The following MID1 variants were observed in gnomAD, a reference collection of about 807,000 sequenced individuals.
MID1 encodes E3 ubiquitin-protein ligase Midline-1.
Under a neutral mutation model 40.4 loss-of-function variants are expected in MID1, and 7 were observed. The observed-to-expected ratio is 0.17, with a 90% CI of 0.10 to 0.33. The LOEUF (loss-of-function observed/expected upper bound fraction) is 0.33, where lower values mean the gene tolerates loss of function less well. Among genes scored for constraint, MID1 ranks in the 10% least tolerant of loss-of-function variants. The probability of loss-of-function intolerance (pLI) is 1.00; values close to 1 mark genes in which losing one functional copy is unlikely to be tolerated. For synonymous variants in MID1, 229 were observed against 221.2 expected, an observed-to-expected ratio of 1.04 and a Z score of -0.31; for missense variants, 367 against 558.5, an observed-to-expected ratio of 0.66 and a Z score of 3.46.
chrX:10,779,008 G>A (rs1231692318), intron 1 of MID1, among the ~76,000 whole-genome samples: 1 of 112,772 alleles, frequency 8.9e-6, no homozygotes, highest in Admixed American at 9.3e-5. Flanking sequence ...TTCAGAGTGT[G>A]CAGCACATAG....
chrX:10,792,125 T>A (rs753611045), intron 1 of MID1, among the ~76,000 whole-genome samples: 4 of 111,860 alleles, frequency 3.6e-5, no homozygotes, highest in Non-Finnish European at 7.5e-5. Context: ...AGCCGTATGA[T>A]CTCTGTTGCA....
At chrX:10,705,103 A>G (rs1327498331) in intron 1 of MID1, among the ~76,000 whole-genome samples, 1 of 111,909 alleles carries the variant, frequency 8.9e-6, no homozygotes, top group Non-Finnish European at 1.9e-5. Context: ...ACATAAAGAA[A>G]AAAGAAGATA....
intron 2 of MID1, among the ~76,000 whole-genome samples, chrX:10,552,277 G>A (rs969728872): frequency 7.2e-5 from 8 of 110,871 alleles, no homozygotes; most frequent in African/African-American, 2.6e-4. Context: ...ATAATCAAGA[G>A]TTGGTAGAGG....
intron 1 of MID1, among the ~76,000 whole-genome samples, chrX:10,794,009 C>T (rs1388452949): frequency 8.9e-6 from 1 of 111,794 alleles, no homozygotes; most frequent in Non-Finnish European, 1.9e-5. Context: ...TGCCACTTCT[C>T]TGTCCACTAG....
At chrX:10,803,712 T>C (rs192747621) in intron 1 of MID1, among the ~76,000 whole-genome samples, 1 of 111,992 alleles carries the variant, frequency 8.9e-6, no homozygotes, top group African/African-American at 3.2e-5. Context: ...TTGAATATGA[T>C]ATGGCTAGGT....
At chrX:10,830,737 T>C (rs1286798126) in intron 1 of MID1, among the ~76,000 whole-genome samples, 4 of 112,521 alleles carry the variant, frequency 3.6e-5, no homozygotes, top group Non-Finnish European at 7.5e-5. Flanking sequence ...AATAACCAAA[T>C]GTTAGAAAGG....
intron 1 of MID1, among the ~76,000 whole-genome samples, chrX:10,702,748 T>C (rs1378850065): frequency 8.9e-6 from 1 of 112,572 alleles, no homozygotes; most frequent in African/African-American, 3.2e-5. Flanking sequence ...AATGTTTGTG[T>C]CTTCCCCAAA....
intron 1 of MID1, among the ~76,000 whole-genome samples, chrX:10,763,924 G>T (rs2043700935): frequency 8.9e-6 from 1 of 112,203 alleles, no homozygotes; most frequent in African/African-American, 3.3e-5. Flanking sequence ...CAGTGATGAT[G>T]AGCATTTTTT....
At chrX:10,780,550 T>C in intron 1 of MID1, among the ~76,000 whole-genome samples, 1 of 111,931 alleles carries the variant, frequency 8.9e-6, no homozygotes. Context: ...ATCTTTTAAA[T>C]TGTTTTGGGA....
At chrX:10,548,630 G>C (rs1179509195) in intron 2 of MID1, among the ~76,000 whole-genome samples, 3 of 111,943 alleles carry the variant, frequency 2.7e-5, no homozygotes, top group African/African-American at 9.7e-5. Context: ...AAAATGACCA[G>C]ATCCAGTGGC....
intron 1 of MID1, among the ~76,000 whole-genome samples, chrX:10,802,279 G>T (rs1400860813): frequency 8.9e-6 from 1 of 111,991 alleles, no homozygotes; most frequent in Non-Finnish European, 1.9e-5. Flanking sequence ...CACAAACTAT[G>T]CATCTGACAA....
intron 1 of MID1, among the ~76,000 whole-genome samples, chrX:10,674,333 C>G (rs940691239): frequency 8.9e-6 from 1 of 112,198 alleles, no homozygotes; most frequent in African/African-American, 3.2e-5. Context: ...AAACCACATT[C>G]GCAACTGAAC....
chrX:10,475,017 C>A (rs1210417075), intron 5 of MID1: 2 of 403,271 alleles, frequency 5.0e-6, no homozygotes, highest in Non-Finnish European at 4.6e-6. Flanking sequence ...CCTGCGAAAG[C>A]AAAAGAATAT....
chrX:10,506,419 G>T, intron 3 of MID1: 1 of 879,230 alleles, frequency 1.1e-6, no homozygotes, highest in Non-Finnish European at 1.6e-6. Flanking sequence ...GACTTACCAA[G>T]ACCACCTTGG....
intron 1 of MID1, among the ~76,000 whole-genome samples, chrX:10,615,662 C>G (rs929231558): frequency 7.1e-5 from 8 of 112,020 alleles, no homozygotes; most frequent in African/African-American, 2.6e-4. Flanking sequence ...CATTAACCAT[C>G]CTGATCTTGT....
chrX:10,533,393 A>AG (rs1397416307), intron 2 of MID1, among the ~76,000 whole-genome samples: 8 of 40,523 alleles, frequency 2.0e-4, no homozygotes, highest in South Asian at 1.6e-3. Context: ...AAAGAAAGAA[A>AG]AGAAAGAAAG....
intron 1 of MID1, among the ~76,000 whole-genome samples, chrX:10,687,301 C>CA (rs1008756580): frequency 1.3e-4 from 15 of 111,848 alleles, no homozygotes; most frequent in African/African-American, 4.9e-4. Flanking sequence ...AAATTTCTCC[C>CA]TTTTTCCTGC....
chrX:10,456,185 G>C (rs1337464899), intron 8 of MID1, among the ~76,000 whole-genome samples: 5 of 112,540 alleles, frequency 4.4e-5, no homozygotes, highest in Non-Finnish European at 9.4e-5. Flanking sequence ...GTATAGGACA[G>C]TGTGTGTTGT....
At chrX:10,715,216 T>C (rs1037278443) in intron 1 of MID1, among the ~76,000 whole-genome samples, 1 of 111,905 alleles carries the variant, frequency 8.9e-6, no homozygotes, top group Non-Finnish European at 1.9e-5. Context: ...GTGGGTGCAG[T>C]GCACCGAGCC....
Sources: gnomAD v4.1 joint callset for allele counts (sites outside exome capture counted in the v4.1 genomes callset) on GRCh38, gnomAD v4.1.1 for gene constraint, MANE v1.5 for transcripts, NCBI Gene and HGNC (gene_info 2026-07-23, HGNC 2026-07-21) for gene names.